Variants in RNF20 observed in about 807,000 individuals in gnomAD.
The protein encoded by RNF20 is E3 ubiquitin-protein ligase BRE1A.
A neutral mutation model predicts 126.2 loss-of-function variants in RNF20; 84 were observed. That is an observed-to-expected ratio of 0.67 (90% confidence interval 0.56 to 0.80). The LOEUF is 0.80. Ranked by LOEUF, RNF20 falls within the 30% of genes least tolerant of loss-of-function variation. The pLI, the probability that RNF20 is intolerant of heterozygous loss-of-function variation, is 0.00. For missense variants in RNF20, 869 were observed against 1,188.2 expected (o/e 0.73, Z 3.95); for synonymous variants, 400 against 414.3 (o/e 0.97, Z 0.42).
At chr9:101,553,807 G>A (rs945913847) in intron 13 of RNF20, among the ~76,000 whole-genome samples, 181 bp from the exon 14 acceptor site, 1 of 152,076 alleles carries the variant, frequency 6.6e-6, no homozygotes, top group Non-Finnish European at 1.5e-5. Flanking sequence ...TTACTTTTCT[G>A]TACTTTCTAA....
chr9:101,544,702 G>C, intron 5 of RNF20, 65 bp from the exon 6 acceptor site: 1 of 1,067,164 alleles, frequency 9.4e-7, no homozygotes, highest in Non-Finnish European at 1.4e-6. Context: ...GCAAGACTCC[G>C]TCTTAAAAAA....
At chr9:101,542,934 T>A (rs186175021) in intron 5 of RNF20, among the ~76,000 whole-genome samples, 9 of 152,304 alleles carry the variant, frequency 5.9e-5, no homozygotes, top group Admixed American at 5.9e-4. Flanking sequence ...AAAGTATGAA[T>A]TATAGCATCA....
At chr9:101,560,950 G>T in intron 17 of RNF20, 24 bp downstream of exon 17, 1 of 1,605,798 alleles carries the variant, frequency 6.2e-7, no homozygotes, top group Non-Finnish European at 8.5e-7. Context: ...ATCTAATGAT[G>T]GTTAGTCTCA....
rs1376491012 is a variant in RNF20 at position 101,560,801 on chromosome 9, G to A, written c.2383G>A (p.Val795Ile). 2 of 1,606,160 alleles carry A rather than the reference G, an allele frequency of 1.2e-6. No homozygotes were observed. Among genetic ancestry groups the A allele is most frequent in the Non-Finnish European group, 8.5e-7 (1 of 1,177,654 alleles). ...ADQVLTLKTQ[V>I]DAQLQVVRKL... is the part of the protein sequence containing the mutation. ...TTAAAATCTGATTTTCTGTTCAAAGGTTGATGCCCAGCTACAGGTAGTAAG... is the reference window on the plus strand; with the variant it reads ...TTAAAATCTGATTTTCTGTTCAAAGATTGATGCCCAGCTACAGGTAGTAAG... Residue 795 changes from valine to isoleucine, a missense_variant and splice_region_variant, in exon 17 of 20, where the codon GTT becomes ATT. Transcript: ENST00000389120.
At position 101,540,255 on chromosome 9, in the gene RNF20, T is replaced by C. The variant is rs1325263161; in HGVS notation, c.182T>C (p.Met61Thr). Reference protein sequence around the residue: ...LQTKNRKLAEMLDQRQAIEDE... With the variant: ...LQTKNRKLAETLDQRQAIEDE... ...ACCAAAAATCGCAAGCTGGCAGAAA[T>C]GTTGGATCAGCGGCAGGCCATTGAA... Residue 61 changes from methionine (M) to threonine (T), a missense_variant, in exon 3 of 20, where the codon ATG becomes ACG. Physicochemically the swap from Met to Thr is moderately conservative, Grantham distance 81 (BLOSUM62 -1). Around this residue, in one of 8 missense-constraint regions of RNF20, gnomAD observed 157 missense variants for 236.0 expected, o/e 0.67. Transcript: ENST00000389120. 2.5e-6 allele frequency: 4 copies of C among 1,613,942 alleles called. No homozygotes were observed. Among genetic ancestry groups the C allele is most frequent in the African/African-American group, 2.7e-5 (2 of 74,880 alleles).
chr9:101,544,727 A>G (rs1827321446), intron 5 of RNF20, 40 bp from the exon 6 acceptor site: 1 of 1,325,266 alleles, frequency 7.5e-7, no homozygotes, highest in South Asian at 1.2e-5. Context: ...AAAAAATGAC[A>G]CTCTAGATGC....
intron 16 of RNF20, among the ~76,000 whole-genome samples, chr9:101,558,822 T>C (rs1827579766): frequency 6.6e-6 from 1 of 152,070 alleles, no homozygotes; most frequent in African/African-American, 2.4e-5. Context: ...GTTGGATGTA[T>C]AGATTTTTTT....
intron 19 of RNF20, 76 bp from the exon 20 acceptor site, chr9:101,562,170 G>T (rs1827637929): frequency 2.7e-6 from 4 of 1,470,830 alleles, no homozygotes; most frequent in East Asian, 4.6e-5. Context: ...TTTTCTTCTT[G>T]GTTGTGTAGT....
chr9:101,535,272 T>G, intron 1 of RNF20, 126 bp from the exon 2 acceptor site: 1 of 554,384 alleles, frequency 1.8e-6, no homozygotes, highest in Non-Finnish European at 3.0e-6. Context: ...ATGGAGATGG[T>G]TGTGGAATTA....
chr9:101,557,457 G>C lies in RNF20; in HGVS notation c.2243G>C (p.Arg748Pro). The change falls in exon 16 of 20, where the codon CGT (arginine) becomes CCT (proline). Residue 748 changes from arginine (R) to proline (P), a missense_variant. Physicochemically the swap from Arg to Pro is moderately radical, Grantham distance 103. Transcript: ENST00000389120. ...GAAGACATGCAGGAGCAAAATATCC[G>C]TTTGATGCAGCAATTGCGGGAGAAG... ...AFEDMQEQNIRLMQQLREKDD... is the reference protein window; with the variant it reads ...AFEDMQEQNIPLMQQLREKDD... 6.2e-7 allele frequency: 1 copy of C among 1,613,964 alleles called. No individual in the cohort carries two copies.
chr9:101,534,401 A>C (rs1323668170), intron 1 of RNF20: 3 of 152,158 alleles, frequency 2.0e-5, no homozygotes, highest in African/African-American at 7.2e-5. Context: ...GGCCTCTAAC[A>C]GGCAGAACTG....
At chr9:101,536,132 C>T (rs1436327629) in intron 2 of RNF20, among the ~76,000 whole-genome samples, 6 of 152,274 alleles carry the variant, frequency 3.9e-5, no homozygotes, top group Middle Eastern at 6.8e-3. Flanking sequence ...GGGAGGCATT[C>T]ATAGCTAATA....
Position 101,555,866 on chromosome 9 carries a change from G to C in RNF20, c.2169+1023G>C, listed in dbSNP as rs560852525. ...CCCAGCTACTTGGGAGGCTGAGGCA[G>C]GAGAATTGCTGGAACCCAGGAGTGG... On this transcript the variant is annotated intron_variant, in intron 15 of 19. Coordinates refer to ENST00000389120, the MANE Select transcript of RNF20 (RefSeq NM_019592.7). Among the ~76,000 whole-genome samples the C allele has an allele frequency of 3.3e-5, 5 of 151,944 alleles. No individual in the cohort carries two copies. In the South Asian group the frequency reaches 1.0e-3, roughly 32 times the overall value.
At chr9:101,562,038 T>C (rs1827635696) in intron 19 of RNF20, 27 bp downstream of exon 19, 3 of 1,529,404 alleles carry the variant, frequency 2.0e-6, no homozygotes, top group East Asian at 2.2e-5. Context: ...TAGTGATTAG[T>C]TTTTTGTCAA....
intron 16 of RNF20, 57 bp downstream of exon 16, chr9:101,557,653 T>G: frequency 7.7e-7 from 1 of 1,293,028 alleles, no homozygotes; most frequent in Non-Finnish European, 1.1e-6. Flanking sequence ...TTCTACATGA[T>G]GATATAAGTA....
In RNF20 at chr9:101,535,382, C is replaced by A; in HGVS notation, c.-26-16C>A. 6.3e-7 allele frequency: 1 copy of A among 1,597,236 alleles called. No individual in the cohort carries two copies. The highest frequency in any genetic ancestry group is 8.5e-7 in the Non-Finnish European group (1 of 1,173,610). ...CTTACATATATTATGTCAGTTTCTG[C>A]CTTTTTTTCTATCAGGAAAACGACT... On this transcript the variant is annotated splice_polypyrimidine_tract_variant and intron_variant, in intron 1 of 19. Transcript: ENST00000389120.
chr9:101,556,908 A>G (rs549897184), intron 15 of RNF20, among the ~76,000 whole-genome samples: 1 of 152,346 alleles, frequency 6.6e-6, no homozygotes, highest in Admixed American at 6.5e-5. Flanking sequence ...TCTTAACCAT[A>G]TGAAAAGATG....
At chr9:101,539,791 G>A (rs930612749) in intron 2 of RNF20, among the ~76,000 whole-genome samples, 1 of 152,128 alleles carries the variant, frequency 6.6e-6, no homozygotes, top group African/African-American at 2.4e-5. Context: ...CATGTATGGT[G>A]AAGTCACCAG....
rs542990375 is a variant in RNF20 at position 101,560,738 on chromosome 9, G to A, written c.2383-63G>A. On this transcript the variant is annotated intron_variant, in intron 16 of 19. Transcript: ENST00000389120. The stretch of plus-strand genomic sequence containing the variant: ...TATTTTGTGGGCTTATAGATTAACA[G>A]AATAGTTTTTTTTCTTTTTTTAATC... The A allele has an allele frequency of 8.1e-6, 12 of 1,487,900 alleles. No individual in the cohort carries two copies. In the African/African-American group the frequency reaches 1.6e-4, roughly 19 times the overall value. The allele number at this position is 1,487,900 out of a possible 1,614,324, so 92.2% of individuals were successfully genotyped here.
Sources: gnomAD v4.1 joint callset for allele counts (sites outside exome capture counted in the v4.1 genomes callset) on GRCh38, gnomAD v4.1.1 for gene constraint, gnomAD v4.1.1 regional missense constraint, MANE v1.5 for transcripts, NCBI Gene and HGNC (gene_info 2026-07-23, HGNC 2026-07-21) for gene names.